The following NPTX2 variants were observed in gnomAD, a reference collection of about 807,000 sequenced individuals.
NPTX2 encodes the protein neuronal pentraxin 2.
Under a neutral mutation model 38.1 loss-of-function variants are expected in NPTX2, and 23 were observed. The observed-to-expected ratio is 0.60, with a 90% CI of 0.43 to 0.85. The LOEUF (loss-of-function observed/expected upper bound fraction) is 0.85. Ranked by LOEUF, NPTX2 falls within the 40% of genes least tolerant of loss-of-function variation. The pLI is 0.00. For synonymous variants in NPTX2, 291 were observed against 287.3 expected, an observed-to-expected ratio of 1.01 and a Z score of -0.13; for missense variants, 553 against 615.3, an observed-to-expected ratio of 0.90 and a Z score of 1.07.
At position 98,629,015 on chromosome 7, in the gene NPTX2, C is replaced by T. The variant is rs1791399094; in HGVS notation, c.*386C>T. 1 of 179,600 alleles carries T rather than the reference C, an allele frequency of 5.6e-6. No individual in the cohort carries two copies. The allele number at this position is 179,600 out of a possible 1,614,324, so 11.1% of individuals were successfully genotyped here. A position where few individuals can be genotyped will look rare whatever the true frequency, so the allele number is the denominator to read the frequency against. ...TGTCCCGTGCACCCCTTCTGTCTGT[C>T]CCCTTTCATGGCTGTGCAGCCGTCC... On this transcript the variant is annotated 3_prime_UTR_variant, in exon 5 of 5. Transcript: ENST00000265634.
chr7:98,617,654 C>T lies in NPTX2; in HGVS notation c.193C>T (p.Gln65Ter). ...GGAGGAGCTGAGGGCCGCGGTGCTG[C>T]AGCTGCGCGAGACCGTCGTGCAGCA... ...PEEELRAAVL[Q>*]LRETVVQQKE... Residue 65 changes from glutamine (Q) to a stop codon, truncating the protein, a stop_gained, in exon 1 of 5, where the codon CAG (glutamine) becomes TAG (stop). Coordinates refer to ENST00000265634, the MANE Select transcript of NPTX2 (RefSeq NM_002523.3). LOFTEE classifies it high-confidence loss of function. 6.7e-7 allele frequency: 1 copy of T among 1,484,620 alleles called. No homozygotes were observed. The highest frequency in any genetic ancestry group is 8.9e-7 in the Non-Finnish European group (1 of 1,126,218). The allele number at this position is 1,484,620 out of a possible 1,614,324, so 92.0% of individuals were successfully genotyped here.
In NPTX2 at chr7:98,624,940, C is replaced by G. The variant is rs745349857; in HGVS notation, c.662C>G (p.Ser221Ter). The G allele has an allele frequency of 1.9e-6, 3 of 1,612,984 alleles. No homozygotes were observed. The South Asian group carries it at 3.3e-5, about 18-fold the overall frequency. Residue 221 changes from serine (S) to a stop codon, truncating the protein, a stop_gained, in exon 3 of 5, where the codon TCA becomes TGA. Coordinates refer to ENST00000265634, the MANE Select transcript of NPTX2 (RefSeq NM_002523.3). LOFTEE classifies it high-confidence loss of function. ...ELERGNSAFKSPDAFKVSLPL... is the reference protein window; with the variant it reads ...ELERGNSAFK The stretch of plus-strand genomic sequence containing the variant: ...CCCCCAGGCAATAGCGCCTTTAAGT[C>G]ACCAGATGCGTTCAAGGTGTCCCTC...
chr7:98,628,376 G>A (rs761518515), intron 4 of NPTX2, 26 bp from the exon 5 acceptor site: 12 of 1,212,086 alleles, frequency 9.9e-6, no homozygotes, highest in African/African-American at 1.5e-5. Context: ...CAGCCCTGAC[G>A]CAGCTCTCTT....
chr7:98,628,730 G>T lies in NPTX2; in HGVS notation c.*101G>T. 5.0e-6 allele frequency: 3 copies of T among 598,800 alleles called. No homozygotes were observed. The highest frequency in any genetic ancestry group is 5.9e-6 in the Non-Finnish European group (2 of 338,100). The allele number at this position is 598,800 out of a possible 1,614,324, so 37.1% of individuals were successfully genotyped here. A position where few individuals can be genotyped will look rare whatever the true frequency, so the allele number is the denominator to read the frequency against. The stretch of plus-strand genomic sequence containing the variant: ...AAACTCTTGTCAGTCTGGGCTCAGG[G>T]TTCCCAGAGCTCATTCCCCAGGAAT... On this transcript the variant is annotated 3_prime_UTR_variant, in exon 5 of 5. Transcript: ENST00000265634.
intron 2 of NPTX2, among the ~76,000 whole-genome samples, chr7:98,620,510 C>G (rs1791254708): frequency 1.3e-5 from 2 of 152,204 alleles, no homozygotes; most frequent in Non-Finnish European, 2.9e-5. Flanking sequence ...TTCCTAGTCT[C>G]TTCCTACAGA....
At chr7:98,628,055 G>T (rs1040192390) in intron 4 of NPTX2, among the ~76,000 whole-genome samples, 5 of 152,056 alleles carry the variant, frequency 3.3e-5, no homozygotes, top group Non-Finnish European at 5.9e-5. Flanking sequence ...GTGCACTGGG[G>T]GGCTTTGAGT....
chr7:98,620,046 G>A, intron 2 of NPTX2, 187 bp downstream of exon 2: 1 of 616,542 alleles, frequency 1.6e-6, no homozygotes, highest in Non-Finnish European at 2.9e-6. Context: ...AGCCCCACTG[G>A]CATTATCCAG....
At chr7:98,624,249 A>G (rs1000180672) in intron 2 of NPTX2, among the ~76,000 whole-genome samples, 10 of 152,156 alleles carry the variant, frequency 6.6e-5, no homozygotes, top group African/African-American at 2.4e-4. Flanking sequence ...GAGCCACTGC[A>G]CTTGGCTAAT....
Position 98,618,624 on chromosome 7 carries a change from C to G in NPTX2, c.426+737C>G, listed in dbSNP as rs898497235. Among the ~76,000 whole-genome samples, 5 of 141,702 alleles carry G rather than the reference C, an allele frequency of 3.5e-5. No homozygotes were observed. In the East Asian group the frequency reaches 1.1e-3, roughly 32 times the overall value. The allele number at this position is 141,702 out of a possible 152,430, so 93.0% of individuals were successfully genotyped here. ...CCCCCCCCGCCCCCCGCTCCCGCCT[C>G]CGTCTCATCTCTATCTCTGAAAATG... On this transcript the variant is annotated intron_variant, in intron 1 of 4. Coordinates refer to ENST00000265634, the MANE Select transcript of NPTX2 (RefSeq NM_002523.3).
intron 4 of NPTX2, among the ~76,000 whole-genome samples, 173 bp from the exon 5 acceptor site, chr7:98,628,229 C>T (rs1024426314): frequency 2.0e-5 from 3 of 152,108 alleles, no homozygotes; most frequent in South Asian, 2.1e-4. Context: ...GAGATTTGAG[C>T]GATGCCACCT....
At position 98,617,591 on chromosome 7, in the gene NPTX2, C is replaced by T; in HGVS notation, c.130C>T (p.Pro44Ser). The change falls in exon 1 of 5, where the codon CCC (proline) becomes TCC (serine). Residue 44 changes from proline (P) to serine (S), a missense_variant. Pro to Ser is a moderately conservative substitution (Grantham distance 74). Transcript: ENST00000265634. ...PEAVHAGCPL[P>S]AMPMQGGAQS... ...GGCGGTGCACGCCGGCTGCCCGCTG[C>T]CCGCGATGCCCATGCAGGGCGGCGC... is the stretch of plus-strand genomic sequence containing the variant. The T allele has an allele frequency of 6.7e-7, 1 of 1,485,400 alleles. No homozygotes were observed. The highest frequency in any genetic ancestry group is 1.3e-5 in the South Asian group (1 of 79,168). 92.0% of individuals were successfully genotyped at this position (1,485,400 alleles called of 1,614,324 possible). A position where few individuals can be genotyped will look rare whatever the true frequency, so the allele number is the denominator to read the frequency against.
At position 98,617,617 on chromosome 7, in the gene NPTX2, G is replaced by T. The variant is rs1328480744; in HGVS notation, c.156G>T (p.Ala52=). The part of the protein sequence containing the change: ...PLPAMPMQGG[A]QSPEEELRAA... Reference sequence around the variant, plus strand: ...CCGCGATGCCCATGCAGGGCGGCGCGCAGAGTCCCGAGGAGGAGCTGAGGG... The same window carrying T: ...CCGCGATGCCCATGCAGGGCGGCGCTCAGAGTCCCGAGGAGGAGCTGAGGG... The change falls in exon 1 of 5, where the codon GCG becomes GCT. Residue 52 remains alanine (A), a synonymous_variant. Coordinates refer to ENST00000265634, the MANE Select transcript of NPTX2 (RefSeq NM_002523.3). The T allele has an allele frequency of 2.0e-6, 3 of 1,490,634 alleles. No homozygotes were observed. The highest frequency in any genetic ancestry group is 2.7e-6 in the Non-Finnish European group (3 of 1,128,020). 92.3% of individuals were successfully genotyped at this position (1,490,634 alleles called of 1,614,324 possible).
At position 98,617,895 on chromosome 7, in the gene NPTX2, C is replaced by G. The variant is rs1419792057; in HGVS notation, c.426+8C>G. On this transcript the variant is annotated splice_region_variant and intron_variant, in intron 1 of 4. Transcript: ENST00000265634. ...CGCCTGGAGAGCCTCGAGGTAGCGG[C>G]CCGCGGGGAGCGCGGGGGACCTGGA... 6.5e-7 allele frequency: 1 copy of G among 1,547,026 alleles called. No individual in the cohort carries two copies. The highest frequency in any genetic ancestry group is 8.7e-7 in the Non-Finnish European group (1 of 1,154,368).
chr7:98,621,803 G>T (rs1791274227), intron 2 of NPTX2, among the ~76,000 whole-genome samples: 2 of 152,196 alleles, frequency 1.3e-5, no homozygotes, highest in South Asian at 4.1e-4. Flanking sequence ...TTCAGACGAG[G>T]GACTCAAGTC....
chr7:98,627,129 C>T (rs753437254), intron 3 of NPTX2, 36 bp from the exon 4 acceptor site: 4 of 1,530,202 alleles, frequency 2.6e-6, no homozygotes, highest in Non-Finnish European at 2.7e-6. Context: ...AGGGCGTGGG[C>T]CCAGCAGGTC....
Position 98,617,326 on chromosome 7 carries a change from G to A in NPTX2, c.-136G>A, listed in dbSNP as rs1481637672. ...CGGTGGGTGCGGCTGTGAGACGGCAGGAGACTTCTGCCCCGCGGTGCACGC... is the reference window on the plus strand; with the variant it reads ...CGGTGGGTGCGGCTGTGAGACGGCAAGAGACTTCTGCCCCGCGGTGCACGC... On this transcript the variant is annotated 5_prime_UTR_variant, in exon 1 of 5. Coordinates refer to ENST00000265634, the MANE Select transcript of NPTX2 (RefSeq NM_002523.3). 6.9e-6 allele frequency: 2 copies of A among 289,138 alleles called. No homozygotes were observed. The highest frequency in any genetic ancestry group is 1.3e-5 in the Non-Finnish European group (2 of 157,902). The allele number at this position is 289,138 out of a possible 1,614,324, so 17.9% of individuals were successfully genotyped here.
Position 98,625,122 on chromosome 7 carries a change from A to G in NPTX2, c.844A>G (p.Ile282Val), listed in dbSNP as rs761870954. ...VPGQANEIVL[I>V]EWGNNPIELL... is the part of the protein sequence containing the mutation. ...AGGGCAGGCCAACGAGATCGTGCTG[A>G]TCGAGTGGGGCAACAACCCCATCGA... is the stretch of plus-strand genomic sequence containing the variant. The change falls in exon 3 of 5, where the codon ATC becomes GTC. Residue 282 changes from isoleucine to valine, a missense_variant. Transcript: ENST00000265634. The G allele has an allele frequency of 3.1e-6, 5 of 1,608,384 alleles. No individual in the cohort carries two copies. In the South Asian group the frequency reaches 3.3e-5, roughly 11 times the overall value.
intron 3 of NPTX2, among the ~76,000 whole-genome samples, chr7:98,626,122 G>C (rs1791343846): frequency 6.8e-6 from 1 of 147,678 alleles, no homozygotes; most frequent in East Asian, 2.0e-4. Context: ...ACTCCAGCCT[G>C]GGTGACAGAG....
intron 2 of NPTX2, among the ~76,000 whole-genome samples, chr7:98,623,307 C>A (rs75306184): frequency 6.6e-6 from 1 of 152,204 alleles, no homozygotes; most frequent in East Asian, 1.9e-4. Context: ...ACTTTGGAAT[C>A]CACGATGCCT....
Sources: gnomAD v4.1 joint callset for allele counts (sites outside exome capture counted in the v4.1 genomes callset) on GRCh38, gnomAD v4.1.1 for gene constraint, MANE v1.5 for transcripts, NCBI Gene and HGNC (gene_info 2026-07-23, HGNC 2026-07-21) for gene names.